Variants in ANKS1B observed in about 807,000 individuals in gnomAD.
The protein encoded by ANKS1B is ankyrin repeat and sterile alpha motif domain containing 1B, also known as ankyrin repeat and sterile alpha motif domain-containing protein 1B.
In ANKS1B, 36 loss-of-function variants were observed where a neutral mutation model predicts 148.3. That is an observed-to-expected ratio of 0.24 (90% CI 0.19 to 0.32). ANKS1B has a LOEUF of 0.32. ANKS1B is among the 10% of genes least tolerant of loss of function. ANKS1B has a pLI of 1.00. For missense variants in ANKS1B, 1,157 were observed against 1,542.6 expected, an observed-to-expected ratio of 0.75 and a Z score of 4.19; for synonymous variants, 542 against 560.8, an observed-to-expected ratio of 0.97 and a Z score of 0.47.
intron 11 of ANKS1B, among the ~76,000 whole-genome samples, chr12:99,418,239 G>C (rs961866290): frequency 6.6e-6 from 1 of 152,104 alleles, no homozygotes; most frequent in African/African-American, 2.4e-5. Flanking sequence ...ATGGTTAATA[G>C]ACATCTATTA....
chr12:99,292,637 T>C (rs1274204152), intron 12 of ANKS1B, among the ~76,000 whole-genome samples: 2 of 151,126 alleles, frequency 1.3e-5, no homozygotes, highest in Non-Finnish European at 2.9e-5. Flanking sequence ...TACAAAGAAC[T>C]CCAACAAATT....
chr12:99,979,602 T>C (rs1442316250), intron 1 of ANKS1B, among the ~76,000 whole-genome samples: 2 of 152,104 alleles, frequency 1.3e-5, no homozygotes, highest in Non-Finnish European at 2.9e-5. Flanking sequence ...AAGAATTAGA[T>C]GCAAGAGGGT....
intron 1 of ANKS1B, among the ~76,000 whole-genome samples, chr12:99,856,703 T>C (rs1469333128): frequency 6.6e-6 from 1 of 152,140 alleles, no homozygotes; most frequent in African/African-American, 2.4e-5. Context: ...GTGGGTTTCA[T>C]ACGAGGGATG....
chr12:99,458,400 A>G (rs1258937555), intron 10 of ANKS1B, among the ~76,000 whole-genome samples: 1 of 151,892 alleles, frequency 6.6e-6, no homozygotes, highest in Non-Finnish European at 1.5e-5. Flanking sequence ...CTAGAAGAAA[A>G]AAAGAAATAA....
chr12:99,742,684 A>G (rs2060236471), intron 8 of ANKS1B, among the ~76,000 whole-genome samples: 1 of 151,848 alleles, frequency 6.6e-6, no homozygotes, highest in African/African-American at 2.4e-5. Flanking sequence ...AATACAAAAA[A>G]AAAATTAGCC....
rs146937865 is a variant in ANKS1B, at chr12:99,569,805, C to G, written c.1273-65164G>C. On this transcript the variant is annotated intron_variant, in intron 9 of 26. Coordinates refer to ENST00000683438, the MANE Select transcript of ANKS1B (RefSeq NM_001352186.2). Reference sequence around the variant, plus strand: ...GGAATTGGCAGAGGCCTCTGTTGAGCCAGCCTGCCAGTTCAGCTTCTCCCT... The same window carrying G: ...GGAATTGGCAGAGGCCTCTGTTGAGGCAGCCTGCCAGTTCAGCTTCTCCCT... Among the ~76,000 whole-genome samples the G allele has an allele frequency of 4.4e-3, 671 of 152,288 alleles. 8 individuals carry two copies. Among genetic ancestry groups the G allele is most frequent in the Non-Finnish European group, 6.6e-3 (447 of 68,020 alleles).
At chr12:99,494,311 C>G (rs1284476669) in intron 10 of ANKS1B, among the ~76,000 whole-genome samples, 4 of 151,938 alleles carry the variant, frequency 2.6e-5, no homozygotes, top group Non-Finnish European at 5.9e-5. Context: ...ATTGAGAGCA[C>G]GGGAATAAAG....
intron 8 of ANKS1B, among the ~76,000 whole-genome samples, chr12:99,707,155 G>T (rs1272940294): frequency 6.6e-6 from 1 of 152,084 alleles, no homozygotes; most frequent in East Asian, 1.9e-4. Context: ...TCCAACTCAG[G>T]TGTTACAAAA....
chr12:99,907,753 C>A (rs1163852942), intron 1 of ANKS1B, among the ~76,000 whole-genome samples: 4 of 146,002 alleles, frequency 2.7e-5, no homozygotes, highest in African/African-American at 1.0e-4. Flanking sequence ...GTAAAGCATT[C>A]CTTTTTGCTT....
intron 9 of ANKS1B, among the ~76,000 whole-genome samples, chr12:99,518,170 C>G (rs2096840649): frequency 6.6e-6 from 1 of 151,750 alleles, no homozygotes; most frequent in African/African-American, 2.4e-5. Flanking sequence ...AGATACTGAC[C>G]AGTATTTTTT....
intron 16 of ANKS1B, among the ~76,000 whole-genome samples, chr12:99,083,496 C>T (rs1463925800): frequency 6.6e-6 from 1 of 152,164 alleles, no homozygotes; most frequent in Non-Finnish European, 1.5e-5. Flanking sequence ...TCAAATTCCT[C>T]AGCCTGACAC....
At chr12:99,971,365 C>T (rs1038991721) in intron 1 of ANKS1B, among the ~76,000 whole-genome samples, 1 of 152,148 alleles carries the variant, frequency 6.6e-6, no homozygotes, top group Non-Finnish European at 1.5e-5. Context: ...AAAGAACATC[C>T]CTGCAGAATT....
intron 26 of ANKS1B, among the ~76,000 whole-genome samples, chr12:98,750,367 G>A (rs532316574): frequency 2.6e-5 from 4 of 152,270 alleles, no homozygotes; most frequent in African/African-American, 9.6e-5. Flanking sequence ...CCAGATGCTG[G>A]AGGGGTCAAT....
At chr12:99,594,712 G>A (rs2097739374) in intron 9 of ANKS1B, among the ~76,000 whole-genome samples, 2 of 151,928 alleles carry the variant, frequency 1.3e-5, no homozygotes, top group Non-Finnish European at 2.9e-5. Flanking sequence ...GGTACGGGCT[G>A]GGGAGAGGAA....
At chr12:99,717,897 CTCTT>C (rs1402594193) in intron 8 of ANKS1B, among the ~76,000 whole-genome samples, 1 of 141,446 alleles carries the variant, frequency 7.1e-6, no homozygotes, top group African/African-American at 2.6e-5. Context: ...TTAGACAATA[CTCTT>C]TTTTTTTTTT....
chr12:99,504,440 A>T, intron 10 of ANKS1B, 36 bp downstream of exon 10: 1 of 1,590,966 alleles, frequency 6.3e-7, no homozygotes, highest in Non-Finnish European at 8.5e-7. Context: ...TAAGCAAGTA[A>T]ATTGAATCAG....
intron 16 of ANKS1B, among the ~76,000 whole-genome samples, chr12:99,059,001 TGCTGGG>T (rs2041394770): frequency 5.5e-5 from 1 of 18,230 alleles, no homozygotes; most frequent in Non-Finnish European, 1.1e-4. Context: ...CCTCCCAAAG[TGCTGGG>T]ATTACAGGCG....
intron 17 of ANKS1B, among the ~76,000 whole-genome samples, chr12:98,889,560 T>G (rs1310091779): frequency 6.6e-6 from 1 of 152,174 alleles, no homozygotes; most frequent in East Asian, 1.9e-4. Context: ...TTGCCAAGAC[T>G]GGTTTCAAAC....
At chr12:99,897,400 A>C (rs866647810) in intron 1 of ANKS1B, among the ~76,000 whole-genome samples, 6 of 151,322 alleles carry the variant, frequency 4.0e-5, no homozygotes, top group Non-Finnish European at 7.4e-5. Flanking sequence ...ATACTAGCAA[A>C]TTTGAGCAAT....
Sources: gnomAD v4.1 joint callset for allele counts (sites outside exome capture counted in the v4.1 genomes callset) on GRCh38, gnomAD v4.1.1 for gene constraint, MANE v1.5 for transcripts, NCBI Gene and HGNC (gene_info 2026-07-23, HGNC 2026-07-21) for gene names.